The following NCALD variants were observed in gnomAD, a reference collection of about 807,000 sequenced individuals.
NCALD encodes the protein neurocalcin delta, also known as neurocalcin-delta.
A neutral mutation model predicts 18.6 loss-of-function variants in NCALD; 10 were observed. That is an observed-to-expected ratio of 0.54 (90% CI 0.33 to 0.91). The LOEUF (loss-of-function observed/expected upper bound fraction) is 0.91, where lower values mean the gene tolerates loss of function less well. Ranked by LOEUF, NCALD falls within the 40% of genes least tolerant of loss-of-function variation. The pLI, the probability that NCALD is intolerant of heterozygous loss-of-function variation, is 0.03. For missense variants in NCALD, 184 were observed against 247.6 expected, an observed-to-expected ratio of 0.74 and a Z score of 1.72; for synonymous variants, 88 against 87.4, an observed-to-expected ratio of 1.01 and a Z score of -0.04.
chr8:101,933,399 A>G (rs930841923), intron 2 of NCALD, among the ~76,000 whole-genome samples: 1 of 152,206 alleles, frequency 6.6e-6, no homozygotes, highest in Non-Finnish European at 1.5e-5. Context: ...CAGCCTCTAG[A>G]AGCTGACAAA....
chr8:101,905,504 C>T (rs1817582593), intron 3 of NCALD, among the ~76,000 whole-genome samples: 1 of 152,108 alleles, frequency 6.6e-6, no homozygotes, highest in Non-Finnish European at 1.5e-5. Flanking sequence ...CTTCCATTTC[C>T]ATAGATGCCA....
intron 4 of NCALD, among the ~76,000 whole-genome samples, chr8:101,798,870 A>AT (rs1413035529): frequency 2.0e-5 from 3 of 152,194 alleles, no homozygotes; most frequent in Non-Finnish European, 2.9e-5. Flanking sequence ...TGACCAATGG[A>AT]TTTTTGACAA....
At chr8:101,714,970 G>A (rs1199375454) in intron 2 of NCALD, among the ~76,000 whole-genome samples, 3 of 148,722 alleles carry the variant, frequency 2.0e-5, no homozygotes, top group African/African-American at 7.7e-5. Context: ...GCAGTCCACA[G>A]TCCGGCCTGG....
chr8:101,921,360 T>TAAATTAATTATAATA (rs1242936230), intron 2 of NCALD, among the ~76,000 whole-genome samples: 2 of 151,872 alleles, frequency 1.3e-5, no homozygotes, highest in Non-Finnish European at 2.9e-5. Flanking sequence ...TGTTTGGATT[T>TAAATTAATTATAATA]CTAAAATCCT....
chr8:102,037,538 T>A (rs17498430), intron 1 of NCALD, among the ~76,000 whole-genome samples: 1 of 152,206 alleles, frequency 6.6e-6, no homozygotes, highest in African/African-American at 2.4e-5. Flanking sequence ...GTATTATATA[T>A]GTCAAAATAT....
intron 4 of NCALD, among the ~76,000 whole-genome samples, chr8:101,844,906 T>C (rs1563821042): frequency 6.6e-6 from 1 of 152,246 alleles, no homozygotes; most frequent in Non-Finnish European, 1.5e-5. Context: ...TACTGTCCCA[T>C]CTGATACTGC....
chr8:102,046,171 AC>A (rs1563570984), intron 1 of NCALD, among the ~76,000 whole-genome samples: 1 of 152,226 alleles, frequency 6.6e-6, no homozygotes, highest in East Asian at 1.9e-4. Flanking sequence ...ACTCCGCTTC[AC>A]CAGTTGAGAA....
At chr8:101,977,127 CTCCTT>C (rs762663151) in intron 2 of NCALD, among the ~76,000 whole-genome samples, 72 of 151,674 alleles carry the variant, frequency 4.7e-4, no homozygotes, top group Non-Finnish European at 9.3e-4. Context: ...ATGGTTATTT[CTCCTT>C]TCCATCTTTT....
intron 4 of NCALD, among the ~76,000 whole-genome samples, chr8:101,878,141 GTTAACA>G (rs1816308944): frequency 6.6e-6 from 1 of 152,146 alleles, no homozygotes; most frequent in African/African-American, 2.4e-5. Context: ...TTTCTTGGCT[GTTAACA>G]TTAATATAAT....
chr8:101,987,423 T>C (rs1448386805), intron 2 of NCALD, among the ~76,000 whole-genome samples: 1 of 152,118 alleles, frequency 6.6e-6, no homozygotes, highest in East Asian at 1.9e-4. Flanking sequence ...TATCCAACCA[T>C]TTTTTCCGAA....
chr8:101,949,049 G>A (rs1336293714), intron 2 of NCALD, among the ~76,000 whole-genome samples: 1 of 152,146 alleles, frequency 6.6e-6, no homozygotes, highest in African/African-American at 2.4e-5. Context: ...TAGTCTGCCA[G>A]GTGCCACGTG....
In NCALD at chr8:101,763,965, TCC is replaced by T. The variant is rs1491310179; in HGVS notation, c.-20+26895_-20+26896del. On this transcript the variant is annotated intron_variant, in intron 1 of 3. Transcript: ENST00000220931. ...TTTATGACAAATTTCTCTCTCTCTC[TCC>T]ACACACACACACACACACACACACA... Among the ~76,000 whole-genome samples, 35 of 101,442 alleles carry T rather than the reference TCC, an allele frequency of 3.5e-4. No homozygotes were observed. The South Asian group carries it at 9.4e-3, about 27-fold the overall frequency. The allele number at this position is 101,442 out of a possible 152,430, so 66.5% of individuals were successfully genotyped here. A position where few individuals can be genotyped will look rare whatever the true frequency, so the allele number is the denominator to read the frequency against.
intron 1 of NCALD, among the ~76,000 whole-genome samples, chr8:101,744,123 C>T (rs1206466635): frequency 6.6e-6 from 1 of 152,134 alleles, no homozygotes; most frequent in African/African-American, 2.4e-5. Context: ...CTCTGATAGC[C>T]CCTTTCTCCC....
chr8:101,733,841 C>T (rs961345256), intron 1 of NCALD, among the ~76,000 whole-genome samples: 4 of 152,224 alleles, frequency 2.6e-5, no homozygotes, highest in African/African-American at 9.6e-5. Context: ...TGAGGGTTTT[C>T]CTGCATGGAA....
At chr8:102,009,023 A>G (rs1381255898) in intron 2 of NCALD, among the ~76,000 whole-genome samples, 1 of 151,666 alleles carries the variant, frequency 6.6e-6, no homozygotes, top group Non-Finnish European at 1.5e-5. Flanking sequence ...CAATCCTCTA[A>G]TTCAAAAAAT....
chr8:101,779,100 T>C (rs890691993), intron 1 of NCALD, among the ~76,000 whole-genome samples: 17 of 152,312 alleles, frequency 1.1e-4, no homozygotes, highest in African/African-American at 4.1e-4. Context: ...ATTTGGCGTC[T>C]ATTTTTCAAT....
chr8:101,818,725 G>A (rs1289486834), intron 4 of NCALD, among the ~76,000 whole-genome samples: 1 of 152,110 alleles, frequency 6.6e-6, no homozygotes, highest in Admixed American at 6.6e-5. Context: ...CATCTTTAGG[G>A]CCAGACGCAG....
intron 2 of NCALD, among the ~76,000 whole-genome samples, chr8:101,925,487 C>A (rs1429689279): frequency 6.6e-6 from 1 of 152,134 alleles, no homozygotes; most frequent in African/African-American, 2.4e-5. Context: ...AGCAATACCC[C>A]CTCACATTCT....
chr8:102,106,492 T>C (rs937162536), intron 1 of NCALD, among the ~76,000 whole-genome samples: 1 of 139,344 alleles, frequency 7.2e-6, no homozygotes, highest in Non-Finnish European at 1.6e-5. Flanking sequence ...CACACACACA[T>C]ATACTACAGC....
Sources: gnomAD v4.1 joint callset for allele counts (sites outside exome capture counted in the v4.1 genomes callset) on GRCh38, gnomAD v4.1.1 for gene constraint, MANE v1.5 for transcripts, NCBI Gene and HGNC (gene_info 2026-07-23, HGNC 2026-07-21) for gene names.